Variants in TMEM120B observed in about 807,000 individuals in gnomAD.
TMEM120B encodes the protein transmembrane protein 120B.
Under a neutral mutation model 55.5 loss-of-function variants are expected in TMEM120B, and 31 were observed. The observed-to-expected ratio is 0.56, with a 90% confidence interval of 0.42 to 0.75. The LOEUF is 0.75. TMEM120B is among the 30% of genes least tolerant of loss of function. The probability of loss-of-function intolerance (pLI) is 0.00; values close to 1 mark genes in which losing one functional copy is unlikely to be tolerated. For synonymous variants in TMEM120B, 203 were observed against 176.3 expected (o/e 1.15, Z -1.20); for missense variants, 399 against 425.5 (o/e 0.94, Z 0.55).
Position 121,775,639 on chromosome 12 carries a change from C to G in TMEM120B, c.937C>G (p.Leu313Val), listed in dbSNP as rs1233771008. ...CGTACTGGCGTTCACCTTCCTCATC[C>G]TCTTCCTCGGCAACTTCCTGACCAC... is the stretch of plus-strand genomic sequence containing the variant. ...VFVLAFTFLI[L>V]FLGNFLTTLK... Residue 313 changes from leucine (L) to valine (V), a missense_variant, in exon 12 of 12, where the codon CTC (leucine) becomes GTC (valine). Around this residue, in one of 3 missense-constraint regions of TMEM120B, gnomAD observed 260 missense variants for 303.9 expected, o/e 0.86. Transcript: ENST00000449592. The surrounding 1 kb of genome is among the most constrained non-coding windows in gnomAD (Gnocchi z 4.3). The G allele has an allele frequency of 1.3e-5, 21 of 1,614,020 alleles. No individual in the cohort carries two copies. The highest frequency in any genetic ancestry group is 1.8e-5 in the Non-Finnish European group (21 of 1,179,940).
At chr12:121,764,645 C>A (rs939757545) in intron 6 of TMEM120B, among the ~76,000 whole-genome samples, 1 of 151,926 alleles carries the variant, frequency 6.6e-6, no homozygotes, top group African/African-American at 2.4e-5. Flanking sequence ...GCAAGTGAGA[C>A]CCTGACTCAA....
At chr12:121,714,202 A>G (rs573445427) in intron 1 of TMEM120B, among the ~76,000 whole-genome samples, 5 of 152,196 alleles carry the variant, frequency 3.3e-5, no homozygotes, top group African/African-American at 9.6e-5. Context: ...TCCGGTTCTC[A>G]GGGGACTGTT....
At chr12:121,727,873 CAAA>C (rs10710244) in intron 1 of TMEM120B, among the ~76,000 whole-genome samples, 5 of 80,570 alleles carry the variant, frequency 6.2e-5, no homozygotes, top group Non-Finnish European at 9.4e-5. Flanking sequence ...CACTCCATCT[CAAA>C]AAAAAAAAAA....
intron 1 of TMEM120B, among the ~76,000 whole-genome samples, chr12:121,736,246 C>G (rs1302967534): frequency 6.6e-6 from 1 of 151,906 alleles, no homozygotes; most frequent in African/African-American, 2.4e-5. Flanking sequence ...GTGGTCTCAG[C>G]TCACTGCAAC....
chr12:121,751,922 A>G (rs77828693), intron 4 of TMEM120B, among the ~76,000 whole-genome samples: 2 of 152,156 alleles, frequency 1.3e-5, no homozygotes, highest in Non-Finnish European at 1.5e-5. Flanking sequence ...GTCCAGGGAC[A>G]TGGGCCTTCT....
At chr12:121,713,463 G>C (rs1230174756) in intron 1 of TMEM120B, among the ~76,000 whole-genome samples, 3 of 152,190 alleles carry the variant, frequency 2.0e-5, no homozygotes. Context: ...TCTAGGTTGT[G>C]CTTGGGGATT....
chr12:121,712,954 A>G lies in TMEM120B; in HGVS notation c.59A>G (p.Gln20Arg), dbSNP rs183596969. 1.3e-6 allele frequency: 2 copies of G among 1,542,264 alleles called. No homozygotes were observed. Among genetic ancestry groups the G allele is most frequent in the Admixed American group, 4.3e-5 (2 of 46,000 alleles). ...TGGCACGAGCTGGAGGGAGAATTTC[A>G]AGAACTGCAGGTAGGGCCAGGCCAC... is the stretch of plus-strand genomic sequence containing the variant. ...REWHELEGEF[Q>R]ELQETHRIYK... is the part of the protein sequence containing the mutation. The change falls in exon 1 of 12, where the codon CAA becomes CGA. Residue 20 changes from glutamine to arginine, a missense_variant. Around this residue, in one of 3 missense-constraint regions of TMEM120B, gnomAD observed 133 missense variants for 104.1 expected, o/e 1.28. Coordinates refer to ENST00000449592, the MANE Select transcript of TMEM120B (RefSeq NM_001080825.2).
rs1206655884 is a variant in TMEM120B, at chr12:121,776,714, C to T, written c.*992C>T. 1 of 152,244 alleles carries T rather than the reference C, an allele frequency of 6.6e-6. No individual in the cohort carries two copies. The highest frequency in any genetic ancestry group is 2.1e-4 in the South Asian group (1 of 4,836). The allele number at this position is 152,244 out of a possible 1,614,324, so 9.4% of individuals were successfully genotyped here. A position where few individuals can be genotyped will look rare whatever the true frequency, so the allele number is the denominator to read the frequency against. ...GCCTCAGCTCCCCCTAACTGTGGCC[C>T]TACAAATCCCTAGGCCAGACCTCAC... On this transcript the variant is annotated 3_prime_UTR_variant, in exon 12 of 12. Transcript: ENST00000449592.
intron 1 of TMEM120B, among the ~76,000 whole-genome samples, chr12:121,728,928 C>T (rs1894947250): frequency 6.6e-6 from 1 of 152,216 alleles, no homozygotes; most frequent in African/African-American, 2.4e-5. Flanking sequence ...CAGCAGTTCT[C>T]ATAAATCCTC....
rs1874408493 is a variant in TMEM120B, at chr12:121,780,462, T to C, written c.*4740T>C. On this transcript the variant is annotated 3_prime_UTR_variant, in exon 12 of 12. Transcript: ENST00000449592. ...ATGCCTCACCCAAAGAGTTGCACGG[T>C]CAATTGGCCCGTGAAGGGGACGCCT... 6.4e-6 allele frequency: 2 copies of C among 313,500 alleles called. No individual in the cohort carries two copies. Among genetic ancestry groups the C allele is most frequent in the East Asian group, 1.1e-4 (2 of 18,336 alleles). 19.4% of individuals were successfully genotyped at this position (313,500 alleles called of 1,614,324 possible). A position where few individuals can be genotyped will look rare whatever the true frequency, so the allele number is the denominator to read the frequency against.
intron 2 of TMEM120B, among the ~76,000 whole-genome samples, chr12:121,745,949 C>T (rs920248743): frequency 2.6e-5 from 4 of 151,882 alleles, no homozygotes; most frequent in Non-Finnish European, 5.9e-5. Flanking sequence ...GAACCTCTGC[C>T]TCCCGGGTTC....
In TMEM120B at chr12:121,764,292, C is replaced by T. The variant is rs186149189; in HGVS notation, c.551+2554C>T. On this transcript the variant is annotated intron_variant, in intron 6 of 11. Coordinates refer to ENST00000449592, the MANE Select transcript of TMEM120B (RefSeq NM_001080825.2). ...ATCCCAGCACTTTGGGAGGCCAAGG[C>T]GGTGGATCACCTGAGGTCAGGAGTT... 3.7e-3 allele frequency among the ~76,000 whole-genome samples: 543 copies of T among 148,728 alleles called. 2 individuals carry two copies. Among genetic ancestry groups the T allele is most frequent in the Middle Eastern group, 0.017 (5 of 294 alleles).
In TMEM120B at chr12:121,748,395, G is replaced by C; in HGVS notation, c.258G>C (p.Arg86=). Residue 86 remains arginine, a synonymous_variant, in exon 3 of 12, where the codon CGG becomes CGC. Transcript: ENST00000449592. ...VQQMAANIKE[R]QDVFFDMEAY... is the part of the protein sequence containing the mutation. ...AGATGGCAGCGAACATCAAGGAGCGGCAGGACGTCTTCTTCGACATGGAGG... is the reference window on the plus strand; with the variant it reads ...AGATGGCAGCGAACATCAAGGAGCGCCAGGACGTCTTCTTCGACATGGAGG... The C allele has an allele frequency of 1.2e-6, 2 of 1,610,830 alleles. No homozygotes were observed. The highest frequency in any genetic ancestry group is 1.7e-6 in the Non-Finnish European group (2 of 1,178,550).
chr12:121,716,566 T>TTC (rs1487986105), intron 1 of TMEM120B, among the ~76,000 whole-genome samples: 2 of 2,128 alleles, frequency 9.4e-4, no homozygotes, highest in African/African-American at 2.5e-3. Flanking sequence ...TTTTTCTTTC[T>TTC]TTTTTTTTTT....
chr12:121,775,276 G>T lies in TMEM120B; in HGVS notation c.906+146G>T. 9.0e-7 allele frequency: 1 copy of T among 1,110,456 alleles called. No homozygotes were observed. Among genetic ancestry groups the T allele is most frequent in the East Asian group, 2.6e-5 (1 of 37,974 alleles). The allele number at this position is 1,110,456 out of a possible 1,614,324, so 68.8% of individuals were successfully genotyped here. ...GGGGTGGGGTGTGTGCGTGTGTGTG[G>T]TGTGCTGTGGGGAGGTTCCTGGGGC... On this transcript the variant is annotated intron_variant, in intron 11 of 11. Transcript: ENST00000449592. This position sits in a 1 kb window ranked among gnomAD's most constrained non-coding sequence, Gnocchi z 4.3.
intron 6 of TMEM120B, among the ~76,000 whole-genome samples, chr12:121,770,546 A>T (rs1874007417): frequency 6.6e-6 from 1 of 151,670 alleles, no homozygotes; most frequent in African/African-American, 2.4e-5. Context: ...TGCTGGGGAG[A>T]AGACCTGGTG....
chr12:121,761,808 T>A, intron 6 of TMEM120B, 70 bp downstream of exon 6: 1 of 1,255,126 alleles, frequency 8.0e-7, no homozygotes, highest in Non-Finnish European at 1.2e-6. Flanking sequence ...GGGCGTCAGA[T>A]GGGGGCCGAC....
chr12:121,780,863 C>T lies in TMEM120B; in HGVS notation c.*5141C>T, dbSNP rs1161303956. ...ACGGCTGTGCCCCAGGGTCTTGGCC[C>T]CGGCCCACCTGCATGTAGGTGATGG... is the stretch of plus-strand genomic sequence containing the variant. On this transcript the variant is annotated 3_prime_UTR_variant, in exon 12 of 12. Coordinates refer to ENST00000449592, the MANE Select transcript of TMEM120B (RefSeq NM_001080825.2). 2 of 1,611,192 alleles carry T rather than the reference C, an allele frequency of 1.2e-6. No individual in the cohort carries two copies. Among genetic ancestry groups the T allele is most frequent in the Non-Finnish European group, 8.5e-7 (1 of 1,178,832 alleles).
intron 6 of TMEM120B, among the ~76,000 whole-genome samples, chr12:121,767,956 C>T (rs1192410900): frequency 5.3e-5 from 8 of 152,180 alleles, no homozygotes; most frequent in East Asian, 3.8e-4. Flanking sequence ...AGGAGTGTGG[C>T]GCCTGCCAAG....
Sources: gnomAD v4.1 joint callset for allele counts (sites outside exome capture counted in the v4.1 genomes callset) on GRCh38, gnomAD v4.1.1 for gene constraint, gnomAD v4.1.1 regional missense constraint, Gnocchi (gnomAD v3.1) non-coding constraint, MANE v1.5 for transcripts, NCBI Gene and HGNC (gene_info 2026-07-23, HGNC 2026-07-21) for gene names.